Variants in NALF1 observed in about 807,000 individuals in gnomAD.
NALF1 encodes NALCN channel auxiliary factor 1.
NALF1 carries 3 observed loss-of-function variants against 48.4 expected under a neutral mutation model. That is an observed-to-expected ratio of 0.06 (90% CI 0.03 to 0.16). The LOEUF (loss-of-function observed/expected upper bound fraction) is 0.16. Ranked by LOEUF, NALF1 falls within the 10% of genes least tolerant of loss-of-function variation. The probability of loss-of-function intolerance (pLI) is 1.00; values close to 1 mark genes in which losing one functional copy is unlikely to be tolerated. For missense variants in NALF1, 526 were observed against 571.5 expected (o/e 0.92, Z 0.81); for synonymous variants, 262 against 245.7 (o/e 1.07, Z -0.62).
chr13:107,697,572 A>C (rs1881726513), intron 1 of NALF1, among the ~76,000 whole-genome samples: 1 of 152,068 alleles, frequency 6.6e-6, no homozygotes, highest in African/African-American at 2.4e-5. Flanking sequence ...TCTAATTAAA[A>C]GTTGTGTCTT....
At chr13:107,649,481 A>T (rs1211541752) in intron 1 of NALF1, among the ~76,000 whole-genome samples, 1 of 152,202 alleles carries the variant, frequency 6.6e-6, no homozygotes, top group Non-Finnish European at 1.5e-5. Context: ...AAATGATTGA[A>T]TCAGATATTT....
At chr13:107,479,093 C>T (rs909008953) in intron 1 of NALF1, among the ~76,000 whole-genome samples, 4 of 152,122 alleles carry the variant, frequency 2.6e-5, no homozygotes, top group Non-Finnish European at 4.4e-5. Flanking sequence ...ACTGTCAGTA[C>T]CAACCTTCCT....
intron 1 of NALF1, among the ~76,000 whole-genome samples, chr13:107,679,625 G>T (rs569940660): frequency 1.1e-3 from 169 of 152,292 alleles, no homozygotes; most frequent in Non-Finnish European, 1.9e-3. Context: ...CCCCCACGGG[G>T]TCAGGGAGGT....
chr13:107,449,960 T>C (rs1030799994), intron 1 of NALF1, among the ~76,000 whole-genome samples: 5 of 152,146 alleles, frequency 3.3e-5, no homozygotes, highest in Admixed American at 2.6e-4. Flanking sequence ...TAGGGTACTC[T>C]GGCCAGAGTT....
chr13:107,659,605 ATG>A (rs1403085887), intron 1 of NALF1, among the ~76,000 whole-genome samples: 2 of 151,628 alleles, frequency 1.3e-5, no homozygotes, highest in Non-Finnish European at 2.9e-5. Context: ...ATGGCAGTGA[ATG>A]TGTTTTTTTT....
intron 2 of NALF1, among the ~76,000 whole-genome samples, chr13:107,186,437 G>A (rs1053012767): frequency 3.3e-5 from 5 of 152,084 alleles, no homozygotes; most frequent in African/African-American, 9.7e-5. Context: ...GCATGATCGC[G>A]GCTCACGGCA....
chr13:107,222,285 C>T (rs1323099234), intron 1 of NALF1, among the ~76,000 whole-genome samples: 4 of 152,140 alleles, frequency 2.6e-5, no homozygotes, highest in Non-Finnish European at 5.9e-5. Flanking sequence ...AACTATTTAA[C>T]TATTAAATTA....
At chr13:107,528,722 C>A (rs1400882809) in intron 1 of NALF1, among the ~76,000 whole-genome samples, 1 of 152,118 alleles carries the variant, frequency 6.6e-6, no homozygotes, top group African/African-American at 2.4e-5. Flanking sequence ...AGACAGCCTC[C>A]TGATACAAGC....
chr13:107,571,148 C>A (rs1032472216), intron 1 of NALF1, among the ~76,000 whole-genome samples: 3 of 152,166 alleles, frequency 2.0e-5, no homozygotes, highest in Admixed American at 2.0e-4. Flanking sequence ...ACACTTAAAT[C>A]ATAAAATCCT....
intron 1 of NALF1, among the ~76,000 whole-genome samples, chr13:107,420,739 G>A (rs576324821): frequency 6.6e-6 from 1 of 152,138 alleles, no homozygotes. Context: ...TCGAGTACAT[G>A]TGCAATTTTG....
At chr13:107,642,095 C>T (rs1041106226) in intron 1 of NALF1, among the ~76,000 whole-genome samples, 11 of 152,216 alleles carry the variant, frequency 7.2e-5, no homozygotes, top group Admixed American at 5.2e-4. Flanking sequence ...GCAGCATCTC[C>T]CCGACCCACT....
chr13:107,433,736 C>T (rs945133448), intron 1 of NALF1, among the ~76,000 whole-genome samples: 1 of 151,984 alleles, frequency 6.6e-6, no homozygotes, highest in Non-Finnish European at 1.5e-5. Context: ...AGATTATATA[C>T]TATCAGAAAT....
At chr13:107,628,733 C>T (rs139809777) in intron 1 of NALF1, among the ~76,000 whole-genome samples, 3 of 152,236 alleles carry the variant, frequency 2.0e-5, no homozygotes, top group Non-Finnish European at 4.4e-5. Flanking sequence ...AATGGCATAA[C>T]TTTTTACAAA....
At position 107,170,485 on chromosome 13, in the gene NALF1, C is replaced by A; in HGVS notation, c.*12G>T. 6.3e-7 allele frequency: 1 copy of A among 1,578,738 alleles called. No homozygotes were observed. The highest frequency in any genetic ancestry group is 8.6e-7 in the Non-Finnish European group (1 of 1,161,250). On this transcript the variant is annotated 3_prime_UTR_variant, in exon 3 of 3. Transcript: ENST00000375915. ...CGGGCCAGCTGCTGCTGTGGTGACACTCGTCCTTCCGTTACTCCTCATTGG... is the reference window on the plus strand; with the variant it reads ...CGGGCCAGCTGCTGCTGTGGTGACAATCGTCCTTCCGTTACTCCTCATTGG...
chr13:107,329,489 C>CT (rs1197401981), intron 1 of NALF1, among the ~76,000 whole-genome samples: 3,723 of 147,754 alleles, frequency 0.025, 145 homozygotes, highest in African/African-American at 0.087. Flanking sequence ...GCTTCACTCT[C>CT]TTTTTTTTTT....
In NALF1 at chr13:107,425,622, C is replaced by T. The variant is rs150665833; in HGVS notation, c.916-214867G>A. Among the ~76,000 whole-genome samples, 440 of 151,890 alleles carry T rather than the reference C, an allele frequency of 2.9e-3. 4 individuals are homozygous for T. Among genetic ancestry groups the T allele is most frequent in the African/African-American group, 9.4e-3 (388 of 41,462 alleles). Reference sequence around the variant, plus strand: ...AATGATGTTGGATATCTGTATATTACGATGATATTGAATATATATGTACTA... The same window carrying T: ...AATGATGTTGGATATCTGTATATTATGATGATATTGAATATATATGTACTA... On this transcript the variant is annotated intron_variant, in intron 1 of 2. Transcript: ENST00000375915.
chr13:107,342,864 C>T (rs1023545028), intron 1 of NALF1, among the ~76,000 whole-genome samples: 4 of 152,054 alleles, frequency 2.6e-5, no homozygotes, highest in African/African-American at 9.7e-5. Context: ...AACATCAAAG[C>T]TCCCAAATGT....
intron 1 of NALF1, among the ~76,000 whole-genome samples, chr13:107,653,905 T>C (rs1170054092): frequency 6.6e-6 from 1 of 152,106 alleles, no homozygotes; most frequent in East Asian, 1.9e-4. Context: ...TCTTCTTTCA[T>C]TTGCAACTCA....
At chr13:107,524,948 G>C (rs1876380708) in intron 1 of NALF1, among the ~76,000 whole-genome samples, 2 of 151,116 alleles carry the variant, frequency 1.3e-5, no homozygotes. Context: ...TTCTCAGAGA[G>C]AGAGAGAGAA....
Sources: gnomAD v4.1 joint callset for allele counts (sites outside exome capture counted in the v4.1 genomes callset) on GRCh38, gnomAD v4.1.1 for gene constraint, MANE v1.5 for transcripts, NCBI Gene and HGNC (gene_info 2026-07-23, HGNC 2026-07-21) for gene names.